ITPRIP: variants seen among roughly 807,000 people sequenced by gnomAD.
The protein encoded by ITPRIP is inositol 1,4,5-trisphosphate receptor interacting protein, also known as inositol 1,4,5-trisphosphate receptor-interacting protein.
In ITPRIP, 32 loss-of-function variants were observed where a neutral mutation model predicts 35.8. The observed-to-expected ratio is 0.89, with a 90% CI of 0.68 to 1.20. The LOEUF (loss-of-function observed/expected upper bound fraction) is 1.20, where lower values mean the gene tolerates loss of function less well. ITPRIP is among the 50% of genes most tolerant of loss of function. ITPRIP has a pLI of 0.00. For synonymous variants in ITPRIP, 358 were observed against 324.0 expected, an observed-to-expected ratio of 1.11 and a Z score of -1.13; for missense variants, 653 against 735.6, an observed-to-expected ratio of 0.89 and a Z score of 1.30.
chr10:104,319,238 G>A (rs2013778501), intron 1 of ITPRIP, among the ~76,000 whole-genome samples: 1 of 152,196 alleles, frequency 6.6e-6, no homozygotes, highest in East Asian at 1.9e-4. Context: ...AGGGATGTTG[G>A]GACGGGTGAG....
At chr10:104,316,160 G>A in intron 1 of ITPRIP, 96 bp from the exon 2 acceptor site, 1 of 1,102,828 alleles carries the variant, frequency 9.1e-7, no homozygotes, top group East Asian at 2.7e-5. Flanking sequence ...GGCTGGTTAA[G>A]GTCTTAGTTC....
intron 1 of ITPRIP, among the ~76,000 whole-genome samples, chr10:104,316,556 T>G (rs902788276): frequency 5.9e-5 from 9 of 151,940 alleles, no homozygotes; most frequent in Admixed American, 2.0e-4. Flanking sequence ...GGTTGCTAGG[T>G]TGCTGAGGGA....
chr10:104,315,613 C>T lies in ITPRIP; in HGVS notation c.439G>A (p.Glu147Lys), dbSNP rs899728354. 5.6e-6 allele frequency: 9 copies of T among 1,613,060 alleles called. No homozygotes were observed. The highest frequency in any genetic ancestry group is 7.6e-6 in the Non-Finnish European group (9 of 1,179,964). ...GCCGTGGCCCCCCGGATGCAGCGCT[C>T]ATAAAAGTGGCCAAGCGTGGCCTTG... ...PNKATLGHFYERCIRGATADA... is the reference protein window; with the variant it reads ...PNKATLGHFYKRCIRGATADA... The change falls in exon 2 of 2, where the codon GAG becomes AAG. Residue 147 changes from glutamate to lysine, a missense_variant. Physicochemically the swap from Glu to Lys is moderately conservative, Grantham distance 56. Coordinates refer to ENST00000337478, the MANE Select transcript of ITPRIP (RefSeq NM_001272013.2). The surrounding 1 kb of genome is among the most constrained non-coding windows in gnomAD (Gnocchi z 5.7).
Position 104,311,284 on chromosome 10 carries a change from A to G in ITPRIP, c.*3124T>C, listed in dbSNP as rs1048826858. On this transcript the variant is annotated 3_prime_UTR_variant, in exon 2 of 2. Transcript: ENST00000337478. ...TTTTCCCAGGTCTATCTATCTTCCA[A>G]TAGATCTGTAGGGAAAGTAGTCCAC... 1 of 152,176 alleles carries G rather than the reference A, an allele frequency of 6.6e-6. No homozygotes were observed. Among genetic ancestry groups the G allele is most frequent in the Non-Finnish European group, 1.5e-5 (1 of 68,036 alleles). The allele number at this position is 152,176 out of a possible 1,614,324, so 9.4% of individuals were successfully genotyped here.
At chr10:104,323,079 C>G (rs1438087984) in intron 1 of ITPRIP, among the ~76,000 whole-genome samples, 1 of 152,118 alleles carries the variant, frequency 6.6e-6, no homozygotes, top group Non-Finnish European at 1.5e-5. Flanking sequence ...AAACCGAGGC[C>G]TCAAGAGAAG....
At chr10:104,321,893 T>C (rs759439628) in intron 1 of ITPRIP, among the ~76,000 whole-genome samples, 1 of 152,042 alleles carries the variant, frequency 6.6e-6, no homozygotes, top group Admixed American at 6.6e-5. Flanking sequence ...TTTTCCACTG[T>C]GCTACATGTA....
chr10:104,318,489 G>A (rs935299627), intron 1 of ITPRIP, among the ~76,000 whole-genome samples: 1 of 152,318 alleles, frequency 6.6e-6, no homozygotes, highest in South Asian at 2.1e-4. Context: ...CTCAGTGCAG[G>A]ATGCCACGAA....
Position 104,328,928 on chromosome 10 carries a change from T to C in ITPRIP, c.-14+9318A>G, listed in dbSNP as rs1488930728. The C allele has an allele frequency of 6.6e-6, 1 of 152,038 alleles. No individual in the cohort carries two copies. Among genetic ancestry groups the C allele is most frequent in the East Asian group, 1.9e-4 (1 of 5,156 alleles). 9.4% of individuals were successfully genotyped at this position (152,038 alleles called of 1,614,324 possible). Reference sequence around the variant, plus strand: ...TGAAAGAAATCCCAGACTGTTCTTCTACCCGAGTCCCCCTGCGGCTTAGGC... The same window carrying C: ...TGAAAGAAATCCCAGACTGTTCTTCCACCCGAGTCCCCCTGCGGCTTAGGC... On this transcript the variant is annotated intron_variant, in intron 1 of 1. Transcript: ENST00000337478. This position sits in a 1 kb window ranked among gnomAD's most constrained non-coding sequence, Gnocchi z 4.1.
intron 1 of ITPRIP, among the ~76,000 whole-genome samples, chr10:104,337,486 C>CA (rs1050215177): frequency 2.0e-4 from 31 of 151,236 alleles, no homozygotes; most frequent in Non-Finnish European, 3.5e-4. Context: ...TGGTCGGTGG[C>CA]TTTTTTTTTC....
At chr10:104,321,190 G>A (rs746370803) in intron 1 of ITPRIP, among the ~76,000 whole-genome samples, 12 of 152,228 alleles carry the variant, frequency 7.9e-5, no homozygotes, top group African/African-American at 1.2e-4. Flanking sequence ...AGGCTCTCCC[G>A]CACCTGTGGT....
intron 1 of ITPRIP, among the ~76,000 whole-genome samples, chr10:104,316,691 C>CA (rs2013703589): frequency 6.6e-6 from 1 of 152,178 alleles, no homozygotes; most frequent in Non-Finnish European, 1.5e-5. Flanking sequence ...TGTCTGAGCT[C>CA]TTTAGTCACA....
At chr10:104,335,109 G>C (rs955055181) in intron 1 of ITPRIP, among the ~76,000 whole-genome samples, 1 of 152,198 alleles carries the variant, frequency 6.6e-6, no homozygotes, top group Admixed American at 6.5e-5. Flanking sequence ...CTGGGCACCA[G>C]CTGGCCCCTC....
chr10:104,314,991 C>T lies in ITPRIP; in HGVS notation c.1061G>A (p.Cys354Tyr), dbSNP rs773391102. 28 of 1,614,066 alleles carry T rather than the reference C, an allele frequency of 1.7e-5. No homozygotes were observed. The highest frequency in any genetic ancestry group is 3.3e-5 in the South Asian group (3 of 91,084). Residue 354 changes from cysteine to tyrosine, a missense_variant, in exon 2 of 2, where the codon TGT becomes TAT. By Grantham distance (194) the Cys-to-Tyr change is radical. Coordinates refer to ENST00000337478, the MANE Select transcript of ITPRIP (RefSeq NM_001272013.2). ...GACAAAGTACAGGTCCGAGTCATCA[C>T]ACTGGATCACAGGAATCAGGTTGAA... The part of the protein sequence containing the change: ...MPFNLIPVIQ[C>Y]DDSDLYFVSH...
In ITPRIP at chr10:104,311,704, T is replaced by A. The variant is rs781500988; in HGVS notation, c.*2704A>T. The stretch of plus-strand genomic sequence containing the variant: ...AGCAGTTGCTGGGGAAAGTCAAGCA[T>A]CCTTGGGAAAGAGACTCTGGGGAAA... On this transcript the variant is annotated 3_prime_UTR_variant, in exon 2 of 2. Coordinates refer to ENST00000337478, the MANE Select transcript of ITPRIP (RefSeq NM_001272013.2). 1.3e-5 allele frequency: 2 copies of A among 152,264 alleles called. No homozygotes were observed. Among genetic ancestry groups the A allele is most frequent in the South Asian group, 4.1e-4 (2 of 4,838 alleles). The allele number at this position is 152,264 out of a possible 1,614,324, so 9.4% of individuals were successfully genotyped here.
At chr10:104,336,727 G>A (rs1272070422) in intron 1 of ITPRIP, among the ~76,000 whole-genome samples, 1 of 152,062 alleles carries the variant, frequency 6.6e-6, no homozygotes, top group Non-Finnish European at 1.5e-5. Flanking sequence ...ACTGTTGATG[G>A]CTACCTGTCT....
Position 104,314,721 on chromosome 10 carries a change from CGGA to C in ITPRIP, c.1328_1330del (p.Leu443del). On this transcript the variant is annotated inframe_deletion, in exon 2 of 2. Coordinates refer to ENST00000337478, the MANE Select transcript of ITPRIP (RefSeq NM_001272013.2). ...CCCCGCCTTCCAGTCGGCGGCCTGC[CGGA>C]GGAGTAGGAGGTGCAGTAGGGCCGT... The C allele has an allele frequency of 6.2e-7, 1 of 1,613,730 alleles. No homozygotes were observed. The highest frequency in any genetic ancestry group is 8.5e-7 in the Non-Finnish European group (1 of 1,179,858).
intron 1 of ITPRIP, among the ~76,000 whole-genome samples, chr10:104,321,230 G>A (rs890850260): frequency 2.0e-5 from 3 of 152,202 alleles, no homozygotes; most frequent in Admixed American, 6.5e-5. Flanking sequence ...GTTTGGCTTT[G>A]AGAATAAACC....
intron 1 of ITPRIP, among the ~76,000 whole-genome samples, chr10:104,337,209 T>C (rs923453234): frequency 7.9e-5 from 12 of 152,176 alleles, no homozygotes; most frequent in Non-Finnish European, 7.3e-5. Context: ...AGATGAACTT[T>C]AGCTGGCAGT....
rs117304686 is a variant in ITPRIP, at chr10:104,323,089, G to A, written c.-13-7025C>T. Among the ~76,000 whole-genome samples the A allele has an allele frequency of 8.9e-3, 1,348 of 152,294 alleles. 12 individuals carry two copies. Among genetic ancestry groups the A allele is most frequent in the Non-Finnish European group, 0.011 (779 of 68,016 alleles). The stretch of plus-strand genomic sequence containing the variant: ...GGTAGAAACCGAGGCCTCAAGAGAA[G>A]ACATGCTAGGCCTGGAGGGTGGGTG... On this transcript the variant is annotated intron_variant, in intron 1 of 1. Coordinates refer to ENST00000337478, the MANE Select transcript of ITPRIP (RefSeq NM_001272013.2).
Sources: gnomAD v4.1 joint callset for allele counts (sites outside exome capture counted in the v4.1 genomes callset) on GRCh38, gnomAD v4.1.1 for gene constraint, Gnocchi (gnomAD v3.1) non-coding constraint, MANE v1.5 for transcripts, NCBI Gene and HGNC (gene_info 2026-07-23, HGNC 2026-07-21) for gene names.